The following GPR39 variants were observed in gnomAD, a reference collection of about 807,000 sequenced individuals.
The protein encoded by GPR39 is G protein-coupled receptor 39, also known as zinc sensing receptor.
Under a neutral mutation model 18.4 loss-of-function variants are expected in GPR39, and 23 were observed. The observed-to-expected ratio is 1.25, with a 90% CI of 0.90 to 1.77. GPR39 has a LOEUF of 1.77. Among genes scored for constraint, GPR39 ranks in the 40% most tolerant of loss-of-function variants. GPR39 has a pLI of 0.00. For synonymous variants in GPR39, 280 were observed against 257.9 expected (o/e 1.09, Z -0.82); for missense variants, 647 against 602.4 (o/e 1.07, Z -0.78).
At chr2:132,595,868 C>G (rs148352245) in intron 1 of GPR39, among the ~76,000 whole-genome samples, 1 of 152,248 alleles carries the variant, frequency 6.6e-6, no homozygotes, top group African/African-American at 2.4e-5. Flanking sequence ...TAATTATAAC[C>G]GTGCTCTTGA....
At chr2:132,466,548 T>C (rs762689482) in intron 1 of GPR39, among the ~76,000 whole-genome samples, 2 of 152,178 alleles carry the variant, frequency 1.3e-5, no homozygotes, top group African/African-American at 2.4e-5. Flanking sequence ...CTCTGGCAAG[T>C]CAGGCTTCTG....
chr2:132,502,035 A>G (rs1273521084), intron 1 of GPR39, among the ~76,000 whole-genome samples: 2 of 152,166 alleles, frequency 1.3e-5, no homozygotes, highest in Non-Finnish European at 2.9e-5. Context: ...TCATTCTGCC[A>G]TCTTGTATCT....
intron 1 of GPR39, among the ~76,000 whole-genome samples, chr2:132,420,920 C>T (rs1329895674): frequency 3.3e-5 from 5 of 152,140 alleles, no homozygotes; most frequent in African/African-American, 4.8e-5. Context: ...AATAGTGATG[C>T]AAAAGTGCAC....
At chr2:132,552,312 C>T (rs1680058005) in intron 1 of GPR39, among the ~76,000 whole-genome samples, 1 of 152,076 alleles carries the variant, frequency 6.6e-6, no homozygotes, top group Admixed American at 6.6e-5. Context: ...TGGCTTGCTG[C>T]TGTCCTCGTG....
At chr2:132,418,152 A>G (rs980551000) in intron 1 of GPR39, among the ~76,000 whole-genome samples, 1 of 152,220 alleles carries the variant, frequency 6.6e-6, no homozygotes, top group Admixed American at 6.5e-5. Context: ...GTTTGGGTAT[A>G]TTCCAGAACA....
At chr2:132,580,073 A>G (rs1680596732) in intron 1 of GPR39, among the ~76,000 whole-genome samples, 1 of 152,246 alleles carries the variant, frequency 6.6e-6, no homozygotes, top group South Asian at 2.1e-4. Context: ...TGGCAAAATG[A>G]TTACAAGTAT....
chr2:132,558,965 C>G (rs1305347033), intron 1 of GPR39, among the ~76,000 whole-genome samples: 3 of 151,868 alleles, frequency 2.0e-5, no homozygotes, highest in African/African-American at 7.3e-5. Context: ...TGTTAAGCCC[C>G]AAAAGAAATA....
intron 1 of GPR39, among the ~76,000 whole-genome samples, chr2:132,531,143 A>G (rs112407526): frequency 3.9e-4 from 60 of 152,322 alleles, no homozygotes; most frequent in African/African-American, 1.4e-3. Context: ...GGCTCAAAAT[A>G]AAGGGATGGA....
chr2:132,444,931 A>G (rs567667917), intron 1 of GPR39, among the ~76,000 whole-genome samples: 70 of 152,300 alleles, frequency 4.6e-4, no homozygotes, highest in Admixed American at 3.3e-3. Flanking sequence ...ACATATCCCA[A>G]AAGGTACCAG....
intron 1 of GPR39, among the ~76,000 whole-genome samples, chr2:132,602,834 A>G (rs1384122588): frequency 6.6e-6 from 1 of 150,636 alleles, no homozygotes; most frequent in African/African-American, 2.4e-5. Flanking sequence ...AACCACAGAG[A>G]TCAGAGACCT....
intron 1 of GPR39, among the ~76,000 whole-genome samples, chr2:132,435,516 A>C (rs992224305): frequency 7.2e-5 from 11 of 152,220 alleles, no homozygotes; most frequent in African/African-American, 2.4e-4. Context: ...AGTCAACAGT[A>C]GGTAATTAGT....
intron 1 of GPR39, among the ~76,000 whole-genome samples, chr2:132,559,317 G>T (rs1186899868): frequency 1.3e-5 from 2 of 152,068 alleles, no homozygotes; most frequent in East Asian, 3.9e-4. Flanking sequence ...TCCCAGATTT[G>T]GGGGGTAACA....
At chr2:132,566,089 C>T (rs1372628358) in intron 1 of GPR39, among the ~76,000 whole-genome samples, 1 of 140,528 alleles carries the variant, frequency 7.1e-6, no homozygotes, top group Non-Finnish European at 1.5e-5. Context: ...TAATGATTGC[C>T]ATTCTAACTG....
At chr2:132,475,362 G>A (rs2104785837) in intron 1 of GPR39, among the ~76,000 whole-genome samples, 1 of 151,822 alleles carries the variant, frequency 6.6e-6, no homozygotes, top group Admixed American at 6.6e-5. Flanking sequence ...TGCTGGCACT[G>A]GCTATTGGTC....
At chr2:132,582,915 C>CTT (rs5834320) in intron 1 of GPR39, among the ~76,000 whole-genome samples, 301 of 101,116 alleles carry the variant, frequency 3.0e-3, no homozygotes, top group Middle Eastern at 5.8e-3. Flanking sequence ...TTCTTTCTTT[C>CTT]TTTTTTTTTT....
chr2:132,561,457 C>G (rs1297965519), intron 1 of GPR39, among the ~76,000 whole-genome samples: 1 of 152,120 alleles, frequency 6.6e-6, no homozygotes, highest in South Asian at 2.1e-4. Context: ...CAGATTACTG[C>G]CTTTGTCGTC....
At chr2:132,645,012 C>CTAAA in intron 1 of GPR39, 89 bp from the exon 2 acceptor site, 1 of 1,446,152 alleles carries the variant, frequency 6.9e-7, no homozygotes, top group East Asian at 2.3e-5. Context: ...AACAGAGGGG[C>CTAAA]TAAATATTTT....
chr2:132,417,964 G>A, intron 1 of GPR39, 66 bp downstream of exon 1: 1 of 1,512,882 alleles, frequency 6.6e-7, no homozygotes. Context: ...CCGTGCCACT[G>A]CCTGTGGCCC....
intron 1 of GPR39, among the ~76,000 whole-genome samples, chr2:132,567,764 G>A (rs760361210): frequency 2.0e-5 from 3 of 152,176 alleles, no homozygotes; most frequent in Non-Finnish European, 2.9e-5. Context: ...AATAACACCT[G>A]AAAAGTTCTT....
Sources: allele counts gnomAD v4.1 joint callset (sites outside exome capture counted in the v4.1 genomes callset), GRCh38; gene constraint gnomAD v4.1.1; transcripts MANE v1.5; gene names NCBI Gene and HGNC (gene_info 2026-07-23, HGNC 2026-07-21).